SLIT3: variants seen among roughly 807,000 people sequenced by gnomAD.
SLIT3 encodes the protein slit homolog 3 protein.
Under a neutral mutation model 184.0 loss-of-function variants are expected in SLIT3, and 68 were observed. The observed-to-expected ratio is 0.37, with a 90% CI of 0.30 to 0.45. The LOEUF is 0.45. Ranked by LOEUF, SLIT3 falls within the 20% of genes least tolerant of loss-of-function variation. The probability of loss-of-function intolerance (pLI) is 1.00; values close to 1 mark genes in which losing one functional copy is unlikely to be tolerated. For missense variants in SLIT3, 1,707 were observed against 2,026.0 expected (o/e 0.84, Z 3.02); for synonymous variants, 831 against 828.6 (o/e 1.00, Z -0.05).
intron 4 of SLIT3, among the ~76,000 whole-genome samples, chr5:168,946,966 A>G (rs10042354): frequency 0.55 from 84,271 of 152,042 alleles, 25,611 homozygotes; most frequent in African/African-American, 0.83. Context: ...AAAAGATTTC[A>G]CAATTAAATG....
intron 6 of SLIT3, among the ~76,000 whole-genome samples, chr5:168,840,126 C>G (rs1758192134): frequency 6.6e-6 from 1 of 152,210 alleles, no homozygotes; most frequent in African/African-American, 2.4e-5. Flanking sequence ...AGCTTCCAAA[C>G]AGCACACGCC....
intron 3 of SLIT3, among the ~76,000 whole-genome samples, chr5:169,208,852 C>T (rs898970788): frequency 6.6e-6 from 1 of 152,120 alleles, no homozygotes; most frequent in Non-Finnish European, 1.5e-5. Context: ...CATAAAAACC[C>T]TACAAGAAAA....
At chr5:169,119,427 G>A (rs2113283606) in intron 4 of SLIT3, among the ~76,000 whole-genome samples, 2 of 152,326 alleles carry the variant, frequency 1.3e-5, no homozygotes, top group Admixed American at 1.3e-4. Context: ...GATTAATGCT[G>A]CCATTGTTCA....
chr5:169,222,597 GA>G (rs909603638), intron 3 of SLIT3, among the ~76,000 whole-genome samples: 4 of 152,070 alleles, frequency 2.6e-5, no homozygotes, highest in African/African-American at 9.7e-5. Context: ...GGAAGCTACT[GA>G]AAAAAACACC....
At chr5:168,781,444 C>T (rs871099) in intron 12 of SLIT3, among the ~76,000 whole-genome samples, 18,457 of 152,108 alleles carry the variant, frequency 0.12, 1,418 homozygotes, top group Middle Eastern at 0.19. Context: ...TTAAGTCTAC[C>T]CAATGGCTTT....
chr5:169,170,401 G>A (rs563308832), intron 4 of SLIT3, among the ~76,000 whole-genome samples: 6 of 152,310 alleles, frequency 3.9e-5, no homozygotes, highest in Admixed American at 1.3e-4. Context: ...CCTGAGGAGC[G>A]AGGAAGAGTC....
intron 4 of SLIT3, among the ~76,000 whole-genome samples, chr5:168,934,619 T>C (rs1185405202): frequency 6.6e-6 from 1 of 152,016 alleles, no homozygotes; most frequent in African/African-American, 2.4e-5. Flanking sequence ...AGAACTGACA[T>C]GCAAGTTCAA....
intron 4 of SLIT3, among the ~76,000 whole-genome samples, chr5:169,125,460 C>T (rs545378024): frequency 1.3e-5 from 2 of 152,336 alleles, no homozygotes; most frequent in South Asian, 4.1e-4. Context: ...AAGATATAAC[C>T]TATTAACAAA....
At position 169,159,591 on chromosome 5, in the gene SLIT3, T is replaced by C. The variant is rs577487532; in HGVS notation, c.413+33888A>G. 3.1e-4 allele frequency among the ~76,000 whole-genome samples: 47 copies of C among 151,502 alleles called. No individual in the cohort carries two copies. The East Asian group carries it at 4.1e-3, about 13-fold the overall frequency. On this transcript the variant is annotated intron_variant, in intron 4 of 35. Coordinates refer to ENST00000519560, the MANE Select transcript of SLIT3 (RefSeq NM_003062.4). Reference sequence around the variant, plus strand: ...CACATCGAGACCACCCTGGCTAACATGGTGAAACCCCGTCTCTACTAAAAA... The same window carrying C: ...CACATCGAGACCACCCTGGCTAACACGGTGAAACCCCGTCTCTACTAAAAA...
intron 4 of SLIT3, among the ~76,000 whole-genome samples, chr5:169,087,230 T>A (rs1759342015): frequency 6.6e-6 from 1 of 152,156 alleles, no homozygotes; most frequent in African/African-American, 2.4e-5. Flanking sequence ...GGGGTGGCTG[T>A]GGCAGGGGAG....
At chr5:168,944,381 C>T (rs1243587605) in intron 4 of SLIT3, among the ~76,000 whole-genome samples, 1 of 152,140 alleles carries the variant, frequency 6.6e-6, no homozygotes, top group African/African-American at 2.4e-5. Context: ...TAATAGGCTG[C>T]TCCTTGCAAT....
At chr5:168,980,871 A>C (rs1382914437) in intron 4 of SLIT3, among the ~76,000 whole-genome samples, 2 of 152,212 alleles carry the variant, frequency 1.3e-5, no homozygotes, top group African/African-American at 4.8e-5. Context: ...TGATGTGGGA[A>C]AATGTTTACG....
chr5:168,860,036 C>T (rs1279623289), intron 5 of SLIT3, among the ~76,000 whole-genome samples: 2 of 152,168 alleles, frequency 1.3e-5, no homozygotes, highest in Non-Finnish European at 2.9e-5. Flanking sequence ...AGGTTATTAA[C>T]AAAATCAGAG....
chr5:168,857,435 A>G (rs890658377), intron 5 of SLIT3, among the ~76,000 whole-genome samples: 19 of 152,136 alleles, frequency 1.2e-4, no homozygotes, highest in Admixed American at 4.6e-4. Flanking sequence ...TGGAAAAATA[A>G]AAACAGTTTG....
intron 4 of SLIT3, among the ~76,000 whole-genome samples, chr5:169,106,648 G>T (rs1330752367): frequency 6.6e-6 from 1 of 152,120 alleles, no homozygotes; most frequent in Non-Finnish European, 1.5e-5. Context: ...CATCCCTGAT[G>T]CTACTGTACA....
chr5:168,684,860 A>G (rs1003280330), intron 31 of SLIT3, among the ~76,000 whole-genome samples: 1 of 150,870 alleles, frequency 6.6e-6, no homozygotes, highest in African/African-American at 2.4e-5. Flanking sequence ...CTGGGGAATT[A>G]AAAAAAAAAT....
Position 168,948,608 on chromosome 5 carries a change from G to A in SLIT3, c.414-65272C>T, listed in dbSNP as rs145684460. ...TGGTGGATTGATTTCACTGCAAGAT[G>A]CAGGGCTGAGAATTTCAATTGTATT... On this transcript the variant is annotated intron_variant, in intron 4 of 35. Transcript: ENST00000519560. Among the ~76,000 whole-genome samples the A allele has an allele frequency of 2.8e-3, 431 of 152,278 alleles. 2 individuals are homozygous for A. The highest frequency in any genetic ancestry group is 0.01 in the African/African-American group (417 of 41,542).
At chr5:168,693,316 A>G (rs150089824) in intron 28 of SLIT3, among the ~76,000 whole-genome samples, 2 of 152,356 alleles carry the variant, frequency 1.3e-5, no homozygotes, top group East Asian at 3.9e-4. Context: ...CACCTGTTAC[A>G]GAAAAGTAAG....
At chr5:168,794,073 T>C (rs547744941) in intron 10 of SLIT3, among the ~76,000 whole-genome samples, 16 of 152,318 alleles carry the variant, frequency 1.1e-4, no homozygotes, top group Admixed American at 7.2e-4. Context: ...AATGCCACTG[T>C]TTCGCAGGGA....
Sources: gnomAD v4.1 joint callset for allele counts (sites outside exome capture counted in the v4.1 genomes callset) on GRCh38, gnomAD v4.1.1 for gene constraint, MANE v1.5 for transcripts, NCBI Gene and HGNC (gene_info 2026-07-23, HGNC 2026-07-21) for gene names.